The following MEGF6 variants were observed in gnomAD, a reference collection of about 807,000 sequenced individuals.
MEGF6 encodes the protein multiple EGF like domains 6, also known as multiple epidermal growth factor-like domains protein 6.
A neutral mutation model predicts 207.1 loss-of-function variants in MEGF6; 184 were observed. That is an observed-to-expected ratio of 0.89 (90% CI 0.79 to 1.00). The LOEUF (loss-of-function observed/expected upper bound fraction) is 1.00, where lower values mean the gene tolerates loss of function less well. Ranked by LOEUF, MEGF6 falls within the 50% of genes least tolerant of loss-of-function variation. The pLI is 0.00. For missense variants in MEGF6, 2,282 were observed against 2,202.9 expected (o/e 1.04, Z -0.72); for synonymous variants, 1,038 against 910.0 (o/e 1.14, Z -2.53).
At chr1:3,498,927 C>G in intron 24 of MEGF6, 101 bp from the exon 25 acceptor site, 1 of 1,477,438 alleles carries the variant, frequency 6.8e-7, no homozygotes, top group South Asian at 1.3e-5. Flanking sequence ...GGGTCAGGCA[C>G]CTTGCAGGGG....
chr1:3,493,198 T>A (rs1239786413), intron 34 of MEGF6: 1 of 208,488 alleles, frequency 4.8e-6, no homozygotes, highest in East Asian at 1.5e-4. Context: ...CCTGCTATCC[T>A]CAGGTGAGCC....
At chr1:3,533,417 G>C (rs1642234891) in intron 4 of MEGF6, among the ~76,000 whole-genome samples, 1 of 152,228 alleles carries the variant, frequency 6.6e-6, no homozygotes, top group African/African-American at 2.4e-5. Flanking sequence ...CTGTTTGAAG[G>C]CACCTTCCAC....
At chr1:3,538,335 C>A (rs994229243) in intron 4 of MEGF6, among the ~76,000 whole-genome samples, 3 of 152,224 alleles carry the variant, frequency 2.0e-5, no homozygotes, top group African/African-American at 7.2e-5. Flanking sequence ...GGGGCCCCCA[C>A]CCGGCCTCAG....
intron 5 of MEGF6, among the ~76,000 whole-genome samples, chr1:3,520,107 C>T (rs757215522): frequency 3.4e-4 from 52 of 152,230 alleles, no homozygotes; most frequent in Non-Finnish European, 6.8e-4. Flanking sequence ...GGTGGCACAG[C>T]GTGTTTCATC....
chr1:3,622,331 G>A, the MEGF6 span, among the ~76,000 whole-genome samples: 8 of 152,066 alleles, frequency 5.3e-5, no homozygotes, highest in Non-Finnish European at 4.4e-5. Context: ...CACTACCCCC[G>A]CCGCCATGTA....
chr1:3,534,809 C>T (rs926586833), intron 4 of MEGF6, among the ~76,000 whole-genome samples: 2 of 152,138 alleles, frequency 1.3e-5, no homozygotes, highest in African/African-American at 4.8e-5. Context: ...GGCCCTCTCC[C>T]TTGATAGCCA....
intron 4 of MEGF6, among the ~76,000 whole-genome samples, chr1:3,566,444 C>T (rs990862325): frequency 9.2e-5 from 14 of 152,336 alleles, no homozygotes; most frequent in African/African-American, 3.1e-4. Flanking sequence ...CACAGGACGC[C>T]GGCCAACCTG....
At chr1:3,511,051 T>C in intron 9 of MEGF6, 149 bp from the exon 10 acceptor site, 1 of 1,147,936 alleles carries the variant, frequency 8.7e-7, no homozygotes, top group Non-Finnish European at 1.2e-6. Context: ...ACACCGACAT[T>C]CATGGCACCT....
intron 4 of MEGF6, among the ~76,000 whole-genome samples, chr1:3,564,996 G>A (rs1275418535): frequency 6.6e-5 from 10 of 152,092 alleles, no homozygotes; most frequent in Non-Finnish European, 8.8e-5. Flanking sequence ...AGGCACCACC[G>A]CTGAATTACA....
chr1:3,593,708 C>T lies in MEGF6; in HGVS notation c.376+1630G>A, dbSNP rs149539798. 9.7e-4 allele frequency among the ~76,000 whole-genome samples: 148 copies of T among 152,074 alleles called. No homozygotes were observed. The Middle Eastern group carries it at 0.017, about 18-fold the overall frequency. Reference sequence around the variant, plus strand: ...GGAGCCTTGGCTTTGATGTCTGCCCCCTCCCCACTAAAAAGACCCCTTTGT... The same window carrying T: ...GGAGCCTTGGCTTTGATGTCTGCCCTCTCCCCACTAAAAAGACCCCTTTGT... On this transcript the variant is annotated intron_variant, in intron 3 of 36. Transcript: ENST00000356575.
Position 3,499,516 on chromosome 1 carries a change from G to A in MEGF6, c.2965+72C>T, listed in dbSNP as rs372120540. ...CTTCAGACACTCAGGACAGGTGGCA[G>A]GAGGGAGTCTCCTACGGAGGACCTG... is the stretch of plus-strand genomic sequence containing the variant. On this transcript the variant is annotated intron_variant, in intron 23 of 36. Transcript: ENST00000356575. 14 of 1,529,808 alleles carry A rather than the reference G, an allele frequency of 9.2e-6. No homozygotes were observed. In the East Asian group the frequency reaches 9.8e-5, roughly 11 times the overall value. The allele number at this position is 1,529,808 out of a possible 1,614,324, so 94.8% of individuals were successfully genotyped here. A position where few individuals can be genotyped will look rare whatever the true frequency, so the allele number is the denominator to read the frequency against.
At chr1:3,610,681 G>A (rs1644313111) in intron 1 of MEGF6, among the ~76,000 whole-genome samples, 1 of 152,354 alleles carries the variant, frequency 6.6e-6, no homozygotes, top group South Asian at 2.1e-4. Flanking sequence ...TTACCACACA[G>A]ACCAACTCCA....
intron 4 of MEGF6, among the ~76,000 whole-genome samples, chr1:3,557,499 C>A (rs975174174): frequency 6.6e-6 from 1 of 152,336 alleles, no homozygotes. Context: ...AGGCTACGTG[C>A]CCACCTCGCT....
chr1:3,569,103 C>T (rs888268642), intron 4 of MEGF6, among the ~76,000 whole-genome samples: 1 of 152,218 alleles, frequency 6.6e-6, no homozygotes, highest in African/African-American at 2.4e-5. Context: ...GCTCCTGCAG[C>T]CGACTCCATC....
At chr1:3,538,696 C>CTGTGTGTGTGTGTGTGTGTGTG (rs57325073) in intron 4 of MEGF6, among the ~76,000 whole-genome samples, 75 of 132,104 alleles carry the variant, frequency 5.7e-4, no homozygotes, top group East Asian at 2.3e-3. Flanking sequence ...GAGCATGTGC[C>CTGTGTGTGTGTGTGTGTGTGTG]TGTGTGTGTG....
rs186900549 is a variant in MEGF6 at position 3,595,215 on chromosome 1, C to A, written c.376+123G>T. On this transcript the variant is annotated intron_variant, in intron 3 of 36. Transcript: ENST00000356575. ...CAAACGGCGTTGCTGAGCGAGTGTT[C>A]CCTGAGTCTCTCGTGTTGCTGGGGA... 3 of 660,556 alleles carry A rather than the reference C, an allele frequency of 4.5e-6. No homozygotes were observed. In the Admixed American group the frequency reaches 8.0e-5, roughly 18 times the overall value. 40.9% of individuals were successfully genotyped at this position (660,556 alleles called of 1,614,324 possible). A position where few individuals can be genotyped will look rare whatever the true frequency, so the allele number is the denominator to read the frequency against.
Position 3,489,399 on chromosome 1 carries a change from C to T in MEGF6, c.*1129G>A, listed in dbSNP as rs1640262763. ...TCCTATGTTGCGGTGTGAGTGCAGC[C>T]CTCTCCATTGGCCACCCCACTCTGC... is the stretch of plus-strand genomic sequence containing the variant. On this transcript the variant is annotated 3_prime_UTR_variant, in exon 37 of 37. Coordinates refer to ENST00000356575, the MANE Select transcript of MEGF6 (RefSeq NM_001409.4). Among the ~76,000 whole-genome samples, 2 of 152,208 alleles carry T rather than the reference C, an allele frequency of 1.3e-5. No individual in the cohort carries two copies. Among genetic ancestry groups the T allele is most frequent in the African/African-American group, 4.8e-5 (2 of 41,456 alleles).
intron 1 of MEGF6, among the ~76,000 whole-genome samples, chr1:3,604,130 C>CAG (rs1476250228): frequency 1.3e-5 from 2 of 152,212 alleles, no homozygotes; most frequent in Admixed American, 6.5e-5. Flanking sequence ...AGGCTGGGAC[C>CAG]AGAGTCCAGC....
At chr1:3,591,187 G>A (rs886124723) in intron 3 of MEGF6, among the ~76,000 whole-genome samples, 2 of 152,218 alleles carry the variant, frequency 1.3e-5, no homozygotes, top group East Asian at 1.9e-4. Context: ...GATGGGAAGC[G>A]CACGGCAGAG....
Sources: gnomAD v4.1 joint callset for allele counts (sites outside exome capture counted in the v4.1 genomes callset) on GRCh38, gnomAD v4.1.1 for gene constraint, MANE v1.5 for transcripts, NCBI Gene and HGNC (gene_info 2026-07-23, HGNC 2026-07-21) for gene names.